NIBAN2: variants seen among roughly 807,000 people sequenced by gnomAD.
NIBAN2 encodes niban apoptosis regulator 2.
Under a neutral mutation model 81.8 loss-of-function variants are expected in NIBAN2, and 36 were observed. The observed-to-expected ratio is 0.44, with a 90% CI of 0.34 to 0.58. The LOEUF (loss-of-function observed/expected upper bound fraction) is 0.58. Ranked by LOEUF, NIBAN2 falls within the 20% of genes least tolerant of loss-of-function variation. The pLI is 0.02. For missense variants in NIBAN2, 897 were observed against 1,014.1 expected (o/e 0.88, Z 1.57); for synonymous variants, 445 against 441.6 (o/e 1.01, Z -0.10).
upstream of NIBAN2, among the ~76,000 whole-genome samples, chr9:127,569,949 G>C (rs918355806): frequency 6.6e-6 from 1 of 152,220 alleles, no homozygotes; most frequent in African/African-American, 2.4e-5. Context: ...GCATGGGTGG[G>C]TCGCAGTGCC....
At chr9:127,549,778 A>G (rs1013079391) in intron 1 of NIBAN2, among the ~76,000 whole-genome samples, 12 of 152,180 alleles carry the variant, frequency 7.9e-5, no homozygotes, top group African/African-American at 2.4e-4. Context: ...TATTCAAATA[A>G]CAAGACTCCC....
chr9:127,546,996 G>A (rs770456593), intron 1 of NIBAN2, among the ~76,000 whole-genome samples: 1 of 151,254 alleles, frequency 6.6e-6, no homozygotes, highest in African/African-American at 2.4e-5. Context: ...AAGGGAGTGT[G>A]TGCCAAGCAG....
At chr9:127,515,234 C>T (rs975881479) in intron 8 of NIBAN2, among the ~76,000 whole-genome samples, 1 of 151,692 alleles carries the variant, frequency 6.6e-6, no homozygotes, top group Non-Finnish European at 1.5e-5. Flanking sequence ...AAAAACAGGC[C>T]GGGCGGCCAG....
At chr9:127,525,896 C>T (rs1461831192) in intron 3 of NIBAN2, among the ~76,000 whole-genome samples, 1 of 152,152 alleles carries the variant, frequency 6.6e-6, no homozygotes, top group Non-Finnish European at 1.5e-5. Flanking sequence ...CACAAGCGTC[C>T]TCTGGAGAAT....
chr9:127,515,546 A>G (rs1382917978), intron 8 of NIBAN2, among the ~76,000 whole-genome samples: 23 of 147,508 alleles, frequency 1.6e-4, no homozygotes, highest in Non-Finnish European at 9.0e-5. Context: ...AAAACAAACA[A>G]AAAAAACAGG....
rs1355787685 is a variant in NIBAN2 at position 127,505,555 on chromosome 9, C to T, written c.*1290G>A. 6.5e-6 allele frequency: 1 copy of T among 152,708 alleles called. No homozygotes were observed. Among genetic ancestry groups the T allele is most frequent in the Non-Finnish European group, 1.5e-5 (1 of 68,106 alleles). The allele number at this position is 152,708 out of a possible 1,614,324, so 9.5% of individuals were successfully genotyped here. On this transcript the variant is annotated 3_prime_UTR_variant, in exon 14 of 14. Transcript: ENST00000373312. ...ACCACACGTCCTGTGGGTCAAGGCCCCTCCTCTGGGGAGCAGGTCTAGGGC... is the reference window on the plus strand; with the variant it reads ...ACCACACGTCCTGTGGGTCAAGGCCTCTCCTCTGGGGAGCAGGTCTAGGGC...
upstream of NIBAN2, among the ~76,000 whole-genome samples, chr9:127,569,552 G>A (rs1837921927): frequency 6.6e-6 from 1 of 151,900 alleles, no homozygotes; most frequent in African/African-American, 2.4e-5. Flanking sequence ...GTGGGGCACT[G>A]GCAGGGGACG....
upstream of NIBAN2, chr9:127,569,228 C>CG (rs1225033420): frequency 2.6e-6 from 1 of 381,206 alleles, no homozygotes; most frequent in African/African-American, 2.3e-5. Flanking sequence ...GTCCTGCACC[C>CG]CCCTGCGCCC....
intron 4 of NIBAN2, 51 bp from the exon 5 acceptor site, chr9:127,523,897 C>A: frequency 6.4e-7 from 1 of 1,562,380 alleles, no homozygotes; most frequent in Non-Finnish European, 8.8e-7. Flanking sequence ...TGCCCTCCAC[C>A]AGAGGATGTC....
intron 1 of NIBAN2, among the ~76,000 whole-genome samples, chr9:127,577,915 T>C (rs1804312295): frequency 6.6e-6 from 1 of 151,902 alleles, no homozygotes; most frequent in African/African-American, 2.4e-5. Context: ...GTTGGGCCAG[T>C]CACAGTGGCT....
chr9:127,549,391 G>T (rs182209904), intron 1 of NIBAN2, among the ~76,000 whole-genome samples: 1 of 150,604 alleles, frequency 6.6e-6, no homozygotes, highest in African/African-American at 2.5e-5. Flanking sequence ...GCACATGCAC[G>T]CACACACACT....
Position 127,508,023 on chromosome 9 carries a change from A to C in NIBAN2, c.1543-45T>G. 1 of 1,611,564 alleles carries C rather than the reference A, an allele frequency of 6.2e-7. No homozygotes were observed. The highest frequency in any genetic ancestry group is 8.5e-7 in the Non-Finnish European group (1 of 1,177,818). On this transcript the variant is annotated intron_variant, in intron 12 of 13. Transcript: ENST00000373312. The surrounding 1 kb of genome is among the most constrained non-coding windows in gnomAD (Gnocchi z 6.4). ...GAGATGAGAGGTCAGGGCCAAGGGT[A>C]GAGGGAGGCCTGTGGGCTCCATCCC...
At position 127,507,010 on chromosome 9, in the gene NIBAN2, CGAG is replaced by C. The variant is rs1564291463; in HGVS notation, c.2073_2075del (p.Ser692del). On this transcript the variant is annotated inframe_deletion, in exon 14 of 14. Coordinates refer to ENST00000373312, the MANE Select transcript of NIBAN2 (RefSeq NM_022833.4). The surrounding 1 kb of genome is among the most constrained non-coding windows in gnomAD (Gnocchi z 6.8). The stretch of plus-strand genomic sequence containing the variant: ...GATGCTGGAGGGGTGAGGCAGGCGG[CGAG>C]GAGGCCTCGGGGGCGGCCTTAGGCT... The C allele has an allele frequency of 6.3e-7, 1 of 1,593,258 alleles. No homozygotes were observed. The highest frequency in any genetic ancestry group is 1.7e-5 in the Admixed American group (1 of 58,316).
intron 9 of NIBAN2, among the ~76,000 whole-genome samples, chr9:127,509,334 G>A (rs375091884): frequency 5.8e-4 from 88 of 152,278 alleles, no homozygotes; most frequent in African/African-American, 1.9e-3. Context: ...CATGGAGGGC[G>A]CAGTCCAGTG....
chr9:127,578,416 C>A (rs1425201696), intron 1 of NIBAN2, among the ~76,000 whole-genome samples: 1 of 148,254 alleles, frequency 6.7e-6, no homozygotes, highest in African/African-American at 2.5e-5. Flanking sequence ...AATCCCAGCA[C>A]TTTAGGAGAC....
chr9:127,515,699 T>A (rs1350121747), intron 8 of NIBAN2, among the ~76,000 whole-genome samples: 1 of 151,188 alleles, frequency 6.6e-6, no homozygotes, highest in Non-Finnish European at 1.5e-5. Context: ...TAGCTGGGCA[T>A]GGTAGCAGGT....
rs1837190111 is a variant in NIBAN2 at position 127,531,832 on chromosome 9, A to G, written c.56-54T>C. 5 of 1,607,968 alleles carry G rather than the reference A, an allele frequency of 3.1e-6. No individual in the cohort carries two copies. The Admixed American group carries it at 8.4e-5, about 27-fold the overall frequency. ...AGGTCCTCAGGGATGCTGATGCATC[A>G]CGATCCTTCCCCTAGGCAGGAGTGG... On this transcript the variant is annotated intron_variant, in intron 1 of 13. Coordinates refer to ENST00000373312, the MANE Select transcript of NIBAN2 (RefSeq NM_022833.4).
At chr9:127,573,708 C>G (rs986009429), upstream of NIBAN2, among the ~76,000 whole-genome samples, 2 of 152,148 alleles carry the variant, frequency 1.3e-5, no homozygotes, top group Non-Finnish European at 1.5e-5. Flanking sequence ...GGCTAGAGTG[C>G]AGTGGCACGA....
At chr9:127,543,102 C>T (rs1192097821) in intron 1 of NIBAN2, among the ~76,000 whole-genome samples, 1 of 152,234 alleles carries the variant, frequency 6.6e-6, no homozygotes, top group Admixed American at 6.5e-5. Flanking sequence ...CCGACAATGA[C>T]AGCCGTGTGA....
Sources: gnomAD v4.1 joint callset for allele counts (sites outside exome capture counted in the v4.1 genomes callset) on GRCh38, gnomAD v4.1.1 for gene constraint, Gnocchi (gnomAD v3.1) non-coding constraint, MANE v1.5 for transcripts, NCBI Gene and HGNC (gene_info 2026-07-23, HGNC 2026-07-21) for gene names.